Variants in KIF13A observed in about 807,000 individuals in gnomAD.
KIF13A encodes the protein kinesin family member 13A, also known as kinesin-like protein KIF13A.
KIF13A carries 79 observed loss-of-function variants against 212.2 expected under a neutral mutation model. The ratio of observed to expected loss-of-function variants is 0.37; its 90% CI spans 0.31 to 0.45. The LOEUF (loss-of-function observed/expected upper bound fraction) is 0.45. KIF13A is among the 20% of genes least tolerant of loss of function. The probability of loss-of-function intolerance (pLI) is 1.00; values close to 1 mark genes in which losing one functional copy is unlikely to be tolerated. For synonymous variants in KIF13A, 789 were observed against 808.6 expected (o/e 0.98, Z 0.41); for missense variants, 1,901 against 2,209.0 (o/e 0.86, Z 2.79).
In KIF13A at chr6:17,934,284, G is replaced by C. The variant is rs7760740; in HGVS notation, c.147-36104C>G. 0.71 allele frequency among the ~76,000 whole-genome samples: 107,406 copies of C among 151,994 alleles called. 38,765 individuals carry two copies. The highest frequency in any genetic ancestry group is 0.83 in the South Asian group (4,016 of 4,816). Reference sequence around the variant, plus strand: ...GAGGTCAGAGCAGAGGGCCCGGCTTGTAGCGTGCACTTGCAGGTAGGCAAG... The same window carrying C: ...GAGGTCAGAGCAGAGGGCCCGGCTTCTAGCGTGCACTTGCAGGTAGGCAAG... On this transcript the variant is annotated intron_variant, in intron 2 of 38. Coordinates refer to ENST00000259711, the MANE Select transcript of KIF13A (RefSeq NM_022113.6). The surrounding 1 kb of genome is among the most constrained non-coding windows in gnomAD (Gnocchi z 5.4).
At chr6:17,763,475 C>CAAAAAAA (rs67357010), downstream of KIF13A, among the ~76,000 whole-genome samples, 58 of 75,302 alleles carry the variant, frequency 7.7e-4, no homozygotes, top group Admixed American at 9.2e-4. Context: ...CACTCCATCT[C>CAAAAAAA]AAAAAAAAAA....
chr6:17,975,676 G>A (rs1401952486), intron 2 of KIF13A, among the ~76,000 whole-genome samples: 2 of 152,168 alleles, frequency 1.3e-5, no homozygotes, highest in East Asian at 1.9e-4. Context: ...GGTCTGTTTT[G>A]ACAGGGCGCT....
chr6:17,964,550 T>C (rs950604826), intron 2 of KIF13A, among the ~76,000 whole-genome samples: 1 of 152,200 alleles, frequency 6.6e-6, no homozygotes, highest in African/African-American at 2.4e-5. Context: ...AAGTCAGTGT[T>C]ATCTACTTTA....
At chr6:17,942,960 C>G (rs1285064418) in intron 2 of KIF13A, among the ~76,000 whole-genome samples, 2 of 151,850 alleles carry the variant, frequency 1.3e-5, no homozygotes, top group African/African-American at 4.8e-5. Flanking sequence ...GGCTGGCCGA[C>G]AGAGTGAGAC....
chr6:17,825,285 A>G lies in KIF13A; in HGVS notation c.1786+483T>C, dbSNP rs895857845. On this transcript the variant is annotated intron_variant, in intron 16 of 38. Coordinates refer to ENST00000259711, the MANE Select transcript of KIF13A (RefSeq NM_022113.6). The surrounding 1 kb of genome is among the most constrained non-coding windows in gnomAD (Gnocchi z 4.5). Reference sequence around the variant, plus strand: ...ATTTCATTTTCACTATCATTTTTGTAAAAGTGATCTGGGCTTATTAAATAA... The same window carrying G: ...ATTTCATTTTCACTATCATTTTTGTGAAAGTGATCTGGGCTTATTAAATAA... Among the ~76,000 whole-genome samples the G allele has an allele frequency of 3.3e-5, 5 of 152,244 alleles. No homozygotes were observed. Among genetic ancestry groups the G allele is most frequent in the Non-Finnish European group, 2.9e-5 (2 of 68,046 alleles).
chr6:17,822,054 T>G, intron 16 of KIF13A: 1 of 891,922 alleles, frequency 1.1e-6, no homozygotes. Flanking sequence ...TTTTTTTTTT[T>G]TTTGTGATGA....
intron 2 of KIF13A, among the ~76,000 whole-genome samples, chr6:17,972,144 TAA>T (rs1779857089): frequency 6.6e-6 from 1 of 152,196 alleles, no homozygotes; most frequent in Non-Finnish European, 1.5e-5. Context: ...AGGAGATGCT[TAA>T]AAGTGGATAA....
intron 16 of KIF13A, among the ~76,000 whole-genome samples, chr6:17,821,054 GCTCA>G (rs763526049): frequency 4.0e-4 from 61 of 152,168 alleles, no homozygotes; most frequent in Admixed American, 1.1e-3. Context: ...AGAGATGAAG[GCTCA>G]CTATGTTGCC....
chr6:17,946,554 T>C (rs970900228), intron 2 of KIF13A, among the ~76,000 whole-genome samples: 12 of 152,250 alleles, frequency 7.9e-5, no homozygotes, highest in East Asian at 1.9e-4. Flanking sequence ...TGCACTTTTA[T>C]GCAGGAAATG....
downstream of KIF13A, among the ~76,000 whole-genome samples, chr6:17,763,306 GA>G (rs748778746): frequency 3.0e-4 from 46 of 151,634 alleles, no homozygotes; most frequent in Non-Finnish European, 5.7e-4. Context: ...CCAACATGGT[GA>G]AAATATAAAA....
intron 20 of KIF13A, among the ~76,000 whole-genome samples, chr6:17,802,923 GTTT>G (rs57190220): frequency 1.5e-5 from 2 of 135,714 alleles, no homozygotes; most frequent in African/African-American, 5.2e-5. Flanking sequence ...ATTTTTTTGT[GTTT>G]TTTTTGTTTT....
chr6:17,814,172 T>C (rs6940437), intron 17 of KIF13A, among the ~76,000 whole-genome samples: 28,085 of 150,846 alleles, frequency 0.19, 2,827 homozygotes, highest in South Asian at 0.32. Context: ...AGGATGGTCT[T>C]GATCTCCTGA....
In KIF13A at chr6:17,773,641, GC is replaced by G; in HGVS notation, c.4219-59del. 1 of 956,616 alleles carries G rather than the reference GC, an allele frequency of 1.0e-6. No homozygotes were observed. Among genetic ancestry groups the G allele is most frequent in the South Asian group, 1.7e-5 (1 of 57,524 alleles). 59.3% of individuals were successfully genotyped at this position (956,616 alleles called of 1,614,324 possible). A position where few individuals can be genotyped will look rare whatever the true frequency, so the allele number is the denominator to read the frequency against. On this transcript the variant is annotated intron_variant, in intron 35 of 38. Transcript: ENST00000259711. The surrounding 1 kb of genome is among the most constrained non-coding windows in gnomAD (Gnocchi z 4.2). ...GAATCACTCCAAAATAAGAAATAAA[GC>G]CCAGGTTGGAGTTTCTTCTGTTTTT...
chr6:17,893,431 T>C (rs1772248645), intron 3 of KIF13A, among the ~76,000 whole-genome samples: 1 of 152,248 alleles, frequency 6.6e-6, no homozygotes, highest in Admixed American at 6.5e-5. Flanking sequence ...ATTGATAGTA[T>C]AAAGAAATAT....
At position 17,923,810 on chromosome 6, in the gene KIF13A, T is replaced by A. The variant is rs113507693; in HGVS notation, c.147-25630A>T. Among the ~76,000 whole-genome samples the A allele has an allele frequency of 4.5e-3, 679 of 152,320 alleles. 8 individuals are homozygous for A. Among genetic ancestry groups the A allele is most frequent in the Non-Finnish European group, 5.1e-3 (344 of 68,028 alleles). On this transcript the variant is annotated intron_variant, in intron 2 of 38. Transcript: ENST00000259711. ...ACCAGTGTCTGAGCTAAGAATATAC[T>A]AGACATCTTCATTTCTTATCTCAGA... is the stretch of plus-strand genomic sequence containing the variant.
intron 2 of KIF13A, among the ~76,000 whole-genome samples, chr6:17,937,372 TTGATCTCGGCAG>T (rs1478466919): frequency 6.6e-6 from 1 of 152,190 alleles, no homozygotes; most frequent in Non-Finnish European, 1.5e-5. Context: ...TGAGGTTGCA[TTGATCTCGGCAG>T]TGATCTCCAA....
In KIF13A at chr6:17,873,384, T is replaced by A; in HGVS notation, c.213A>T (p.Lys71Asn). The A allele has an allele frequency of 6.3e-7, 1 of 1,596,188 alleles. No individual in the cohort carries two copies. The highest frequency in any genetic ancestry group is 8.5e-7 in the Non-Finnish European group (1 of 1,170,412). Residue 71 changes from lysine (K) to asparagine (N), a missense_variant, in exon 4 of 39, where the codon AAA becomes AAT. Around this residue, in one of 5 missense-constraint regions of KIF13A, gnomAD observed 506 missense variants for 637.4 expected, o/e 0.79. Transcript: ENST00000259711. Reference protein sequence around the residue: ...FWSMDESNTTKYAGQEVVFKC... With the variant: ...FWSMDESNTTNYAGQEVVFKC... ...TAGAGGGAGAAAACTTACCAGCGTA[T>A]TTTGTAGTGTTAGATTCATCCATGG...
At position 17,772,181 on chromosome 6, in the gene KIF13A, T is replaced by C. The variant is rs946591421; in HGVS notation, c.4325-122A>G. On this transcript the variant is annotated intron_variant, in intron 36 of 38. Transcript: ENST00000259711. The surrounding 1 kb of genome is among the most constrained non-coding windows in gnomAD (Gnocchi z 4.8). ...GAACAATGAAATTCATAGGCTAATA[T>C]TTGGCTAAGCATTAAAACAGATGTA... 1.1e-6 allele frequency: 1 copy of C among 938,836 alleles called. No individual in the cohort carries two copies. The highest frequency in any genetic ancestry group is 1.6e-6 in the Non-Finnish European group (1 of 621,336). 58.2% of individuals were successfully genotyped at this position (938,836 alleles called of 1,614,324 possible).
chr6:17,857,677 A>C (rs1768272415), intron 4 of KIF13A, among the ~76,000 whole-genome samples: 1 of 152,224 alleles, frequency 6.6e-6, no homozygotes, highest in African/African-American at 2.4e-5. Context: ...CATTGAGGAA[A>C]TAGGTATTTT....
Sources: allele counts gnomAD v4.1 joint callset (sites outside exome capture counted in the v4.1 genomes callset), GRCh38; gene constraint gnomAD v4.1.1; regional missense constraint gnomAD v4.1.1; non-coding constraint Gnocchi (gnomAD v3.1); transcripts MANE v1.5; gene names NCBI Gene and HGNC (gene_info 2026-07-23, HGNC 2026-07-21).